The following GFM2 variants were observed in gnomAD, a reference collection of about 807,000 sequenced individuals.
GFM2 encodes the protein ribosome-releasing factor 2, mitochondrial.
GFM2 carries 72 observed loss-of-function variants against 95.4 expected under a neutral mutation model. That is an observed-to-expected ratio of 0.76 (90% CI 0.62 to 0.92). GFM2 has a LOEUF of 0.92. Ranked by LOEUF, GFM2 falls within the 40% of genes least tolerant of loss-of-function variation. The pLI is 0.00. For synonymous variants in GFM2, 276 were observed against 317.5 expected (o/e 0.87, Z 1.39); for missense variants, 825 against 924.1 (o/e 0.89, Z 1.39).
intron 15 of GFM2, chr5:74,733,410 T>C (rs967896697): frequency 5.3e-6 from 1 of 188,602 alleles, no homozygotes; most frequent in African/African-American, 2.4e-5. Context: ...ATAATAATAA[T>C]GGGAGGCTAC....
intron 20 of GFM2, 155 bp downstream of exon 20, chr5:74,722,224 G>A: frequency 3.0e-6 from 2 of 662,630 alleles, no homozygotes; most frequent in Non-Finnish European, 5.1e-6. Flanking sequence ...TAAATTCAAA[G>A]TCCTAACCAT....
chr5:74,761,283 C>T (rs2112366995), intron 2 of GFM2, among the ~76,000 whole-genome samples: 1 of 152,308 alleles, frequency 6.6e-6, no homozygotes, highest in East Asian at 1.9e-4. Flanking sequence ...GCTTAGGCTC[C>T]AATCCAGACA....
rs553032762 is a variant in GFM2 at position 74,760,435 on chromosome 5, AAAGT to A, written c.148+463_148+466del. 7.2e-5 allele frequency among the ~76,000 whole-genome samples: 11 copies of A among 152,298 alleles called. No homozygotes were observed. In the East Asian group the frequency reaches 1.9e-3, roughly 27 times the overall value. Reference sequence around the variant, plus strand: ...GTTTCAAACACAGAAAGGACATTCAAAAGTAAGTCAACTCCTCCACCTTCCAGCT... The same window carrying A: ...GTTTCAAACACAGAAAGGACATTCAAAAGTCAACTCCTCCACCTTCCAGCT... On this transcript the variant is annotated intron_variant, in intron 3 of 20. Transcript: ENST00000296805.
chr5:74,742,314 C>A (rs1386863745), intron 10 of GFM2, among the ~76,000 whole-genome samples: 1 of 151,110 alleles, frequency 6.6e-6, no homozygotes, highest in Non-Finnish European at 1.5e-5. Context: ...ATGTACCTAA[C>A]CATCCTTCTG....
At chr5:74,746,878 T>C (rs958466857) in intron 8 of GFM2, among the ~76,000 whole-genome samples, 2 of 152,110 alleles carry the variant, frequency 1.3e-5, no homozygotes, top group Non-Finnish European at 2.9e-5. Flanking sequence ...GGGCTATTAA[T>C]AATCAAGACA....
In GFM2 at chr5:74,751,869, T is replaced by C. The variant is rs930448330; in HGVS notation, c.305-376A>G. 3.9e-5 allele frequency among the ~76,000 whole-genome samples: 6 copies of C among 152,150 alleles called. No individual in the cohort carries two copies. In the East Asian group the frequency reaches 7.7e-4, roughly 20 times the overall value. ...TACAGTGAAAGAACACAGACAGACA[T>C]AGCTTTAAATCCCAACTTTACCACT... On this transcript the variant is annotated intron_variant, in intron 5 of 20. Coordinates refer to ENST00000296805, the MANE Select transcript of GFM2 (RefSeq NM_032380.5).
rs372536068 is a variant in GFM2, at chr5:74,761,575, G to A, written c.64-589C>T. On this transcript the variant is annotated intron_variant, in intron 2 of 20. Transcript: ENST00000296805. ...CATCTGGAAAGCTTCTTGAAGACACGGGGGTGGGGAGAGAAAATGAGAACT... is the reference window on the plus strand; with the variant it reads ...CATCTGGAAAGCTTCTTGAAGACACAGGGGTGGGGAGAGAAAATGAGAACT... Among the ~76,000 whole-genome samples the A allele has an allele frequency of 7.2e-5, 11 of 152,228 alleles. No homozygotes were observed. In the East Asian group the frequency reaches 1.7e-3, roughly 24 times the overall value.
chr5:74,745,730 T>C lies in GFM2; in HGVS notation c.797A>G (p.Asp266Gly). The change falls in exon 10 of 21, where the codon GAT becomes GGT. Residue 266 changes from aspartate (D) to glycine (G), a missense_variant. Physicochemically the swap from Asp to Gly is moderately conservative, Grantham distance 94 (BLOSUM62 -1). Transcript: ENST00000296805. ...FERKPLLEMN[D>G]PELLKETTEA... The stretch of plus-strand genomic sequence containing the variant: ...AGTTGTTTCCTTCAGCAATTCAGGA[T>C]CATTCATTTCCAAGAGGGGCTTTCT... 6.2e-7 allele frequency: 1 copy of C among 1,613,988 alleles called. No individual in the cohort carries two copies. Among genetic ancestry groups the C allele is most frequent in the Non-Finnish European group, 8.5e-7 (1 of 1,179,950 alleles).
In GFM2 at chr5:74,767,003, C is replaced by A. The variant is rs1320604548; in HGVS notation, c.-90G>T. The A allele has an allele frequency of 8.5e-6, 2 of 235,210 alleles. No homozygotes were observed. Among genetic ancestry groups the A allele is most frequent in the Non-Finnish European group, 1.7e-5 (2 of 116,598 alleles). The allele number at this position is 235,210 out of a possible 1,614,324, so 14.6% of individuals were successfully genotyped here. On this transcript the variant is annotated 5_prime_UTR_variant, in exon 1 of 21. Coordinates refer to ENST00000296805, the MANE Select transcript of GFM2 (RefSeq NM_032380.5). ...GGGCTCTTGAAGCAGGAGGCGCGAG[C>A]CGCGCCAAAGTCTGCAACGGCCTCA...
Position 74,721,460 on chromosome 5 carries a change from G to GCACATTTCTCATTATATAAATT in GFM2, c.*173_*194dup. 2.8e-6 allele frequency: 2 copies of GCACATTTCTCATTATATAAATT among 712,598 alleles called. No individual in the cohort carries two copies. Among genetic ancestry groups the GCACATTTCTCATTATATAAATT allele is most frequent in the Non-Finnish European group, 4.9e-6 (2 of 410,484 alleles). 44.1% of individuals were successfully genotyped at this position (712,598 alleles called of 1,614,324 possible). ...AGGTACAGTGGCTTTAAACATCAAA[G>GCACATTTCTCATTATATAAATT]CACATTTCTCATTATATAAATTAAA... On this transcript the variant is annotated 3_prime_UTR_variant, in exon 21 of 21. Coordinates refer to ENST00000296805, the MANE Select transcript of GFM2 (RefSeq NM_032380.5).
intron 7 of GFM2, among the ~76,000 whole-genome samples, chr5:74,749,709 A>C (rs1159714664): frequency 1.3e-5 from 2 of 152,234 alleles, no homozygotes; most frequent in African/African-American, 4.8e-5. Context: ...TAATATTTGT[A>C]TAATATGTTT....
intron 6 of GFM2, 87 bp from the exon 7 acceptor site, chr5:74,750,754 G>T: frequency 2.2e-6 from 2 of 905,922 alleles, no homozygotes; most frequent in Middle Eastern, 2.2e-4. Context: ...CCTGGGGAGG[G>T]GTGTGTGTGT....
At chr5:74,741,472 A>G (rs1258934247) in intron 11 of GFM2, 57 bp downstream of exon 11, 1 of 820,918 alleles carries the variant, frequency 1.2e-6, no homozygotes, top group African/African-American at 1.7e-5. Context: ...AGGCAGAGAA[A>G]TCAAACTACA....
chr5:74,752,919 T>C (rs1453257100), intron 5 of GFM2, among the ~76,000 whole-genome samples: 1 of 152,062 alleles, frequency 6.6e-6, no homozygotes, highest in Non-Finnish European at 1.5e-5. Flanking sequence ...AGCCCTTAAG[T>C]GCCAGATCTT....
intron 6 of GFM2, 59 bp from the exon 7 acceptor site, chr5:74,750,726 G>A: frequency 8.3e-7 from 1 of 1,207,956 alleles, no homozygotes; most frequent in Non-Finnish European, 1.2e-6. Context: ...ATATGATCCA[G>A]CAATCTCACA....
chr5:74,764,674 T>C (rs574572826), intron 1 of GFM2, among the ~76,000 whole-genome samples: 60 of 152,118 alleles, frequency 3.9e-4, no homozygotes, highest in Admixed American at 2.8e-3. Context: ...CCTAAGTCTG[T>C]TCTTTCTGGA....
chr5:74,722,987 C>A (rs149774393), intron 19 of GFM2, among the ~76,000 whole-genome samples: 21 of 152,002 alleles, frequency 1.4e-4, no homozygotes, highest in African/African-American at 4.8e-4. Flanking sequence ...TATGTAAAAT[C>A]TTTTCTTATT....
chr5:74,723,050 C>T (rs574503723), intron 19 of GFM2, among the ~76,000 whole-genome samples: 1 of 152,094 alleles, frequency 6.6e-6, no homozygotes, highest in East Asian at 1.9e-4. Flanking sequence ...AATGTGGAAA[C>T]TGAAAATGTC....
At chr5:74,765,898 C>T (rs920146068) in intron 1 of GFM2, among the ~76,000 whole-genome samples, 5 of 152,146 alleles carry the variant, frequency 3.3e-5, no homozygotes, top group Admixed American at 1.3e-4. Flanking sequence ...ACTTGGGAGG[C>T]TGAACCTGGA....
Sources: gnomAD v4.1 joint callset for allele counts (sites outside exome capture counted in the v4.1 genomes callset) on GRCh38, gnomAD v4.1.1 for gene constraint, MANE v1.5 for transcripts, NCBI Gene and HGNC (gene_info 2026-07-23, HGNC 2026-07-21) for gene names.